The following KCNN3 variants were observed in gnomAD, a reference collection of about 807,000 sequenced individuals.
KCNN3 encodes potassium calcium-activated channel subfamily N member 3, also known as small conductance calcium-activated potassium channel protein 3.
KCNN3 carries 16 observed loss-of-function variants against 62.9 expected under a neutral mutation model. The ratio of observed to expected loss-of-function variants is 0.25; its 90% CI spans 0.17 to 0.39. The LOEUF (loss-of-function observed/expected upper bound fraction) is 0.39. Among genes scored for constraint, KCNN3 ranks in the 10% least tolerant of loss-of-function variants. The pLI, the probability that KCNN3 is intolerant of heterozygous loss-of-function variation, is 1.00. For synonymous variants in KCNN3, 370 were observed against 389.2 expected, an observed-to-expected ratio of 0.95 and a Z score of 0.58; for missense variants, 599 against 949.4, an observed-to-expected ratio of 0.63 and a Z score of 4.85.
In KCNN3 at chr1:154,866,922, G is replaced by A. The variant is rs955630263; in HGVS notation, c.933+2110C>T. Among the ~76,000 whole-genome samples the A allele has an allele frequency of 3.3e-5, 5 of 152,334 alleles. No individual in the cohort carries two copies. The East Asian group carries it at 9.7e-4, about 29-fold the overall frequency. ...GCACCTGCCCCAGGCAGGGAAGAGG[G>A]CCTGATCCTGCAGAGTGGTGACTCT... On this transcript the variant is annotated intron_variant, in intron 1 of 7. Coordinates refer to ENST00000271915, the MANE Select transcript of KCNN3 (RefSeq NM_002249.6).
chr1:154,715,073 T>C, intron 5 of KCNN3, 70 bp from the exon 6 acceptor site: 1 of 1,564,430 alleles, frequency 6.4e-7, no homozygotes, highest in Non-Finnish European at 8.8e-7. Context: ...TGGTTGCTAC[T>C]GTAGTCTACC....
rs984449596 is a variant in KCNN3 at position 154,697,948 on chromosome 1, A to G, written c.*10028T>C. 11 of 152,208 alleles carry G rather than the reference A, an allele frequency of 7.2e-5. No individual in the cohort carries two copies. Among genetic ancestry groups the G allele is most frequent in the African/African-American group, 2.2e-4 (9 of 41,444 alleles). The allele number at this position is 152,208 out of a possible 1,614,324, so 9.4% of individuals were successfully genotyped here. On this transcript the variant is annotated 3_prime_UTR_variant, in exon 8 of 8. Coordinates refer to ENST00000271915, the MANE Select transcript of KCNN3 (RefSeq NM_002249.6). Reference sequence around the variant, plus strand: ...TCATCCACCTTACAGGGTGATGACTAATATATTGGCATTTGAGATCCTTAG... The same window carrying G: ...TCATCCACCTTACAGGGTGATGACTGATATATTGGCATTTGAGATCCTTAG...
At chr1:154,770,907 AT>A in intron 3 of KCNN3, among the ~76,000 whole-genome samples, 1 of 152,218 alleles carries the variant, frequency 6.6e-6, no homozygotes, top group South Asian at 2.1e-4. Context: ...AAACACAAAA[AT>A]TAGCCTGGTA....
At chr1:154,793,351 C>T (rs1649596383) in intron 2 of KCNN3, among the ~76,000 whole-genome samples, 2 of 152,112 alleles carry the variant, frequency 1.3e-5, no homozygotes, top group Admixed American at 6.5e-5. Context: ...GAGGCTGACC[C>T]TGAAAAGTTT....
intron 3 of KCNN3, among the ~76,000 whole-genome samples, chr1:154,757,853 C>T (rs1035942012): frequency 6.6e-6 from 1 of 152,154 alleles, no homozygotes; most frequent in African/African-American, 2.4e-5. Context: ...CTCAAGGGAC[C>T]TTCAGTAGAA....
chr1:154,832,085 TAA>T (rs1394903997), intron 1 of KCNN3, among the ~76,000 whole-genome samples: 1 of 151,994 alleles, frequency 6.6e-6, no homozygotes, highest in Non-Finnish European at 1.5e-5. Flanking sequence ...AACGGAAATA[TAA>T]CAACCGGTCC....
chr1:154,851,915 A>G (rs1652313501), intron 1 of KCNN3, among the ~76,000 whole-genome samples: 1 of 152,190 alleles, frequency 6.6e-6, no homozygotes, highest in Admixed American at 6.5e-5. Flanking sequence ...CACACTCCTC[A>G]GGACGGTCTA....
At chr1:154,819,977 G>A (rs1466538838) in intron 2 of KCNN3, among the ~76,000 whole-genome samples, 1 of 152,328 alleles carries the variant, frequency 6.6e-6, no homozygotes, top group East Asian at 1.9e-4. Flanking sequence ...ACTTCAGATG[G>A]GGAAACTGAG....
chr1:154,850,119 G>A (rs987479770), intron 1 of KCNN3, among the ~76,000 whole-genome samples: 3 of 152,058 alleles, frequency 2.0e-5, no homozygotes, highest in African/African-American at 7.2e-5. Flanking sequence ...TGTTCCCTCT[G>A]CACCATCTCC....
rs144145029 is a variant in KCNN3, at chr1:154,731,768, C to T, written c.1590+1235G>A. The stretch of plus-strand genomic sequence containing the variant: ...CGGGGGGCTGTCCTTGGGAGGGTTG[C>T]GGTCTCCAGCCATGGAGACCCAGAG... On this transcript the variant is annotated intron_variant, in intron 4 of 7. Transcript: ENST00000271915. Among the ~76,000 whole-genome samples the T allele has an allele frequency of 1.0e-3, 154 of 152,288 alleles. 3 individuals carry two copies. In the East Asian group the frequency reaches 0.027, roughly 26 times the overall value.
At chr1:154,808,543 A>G (rs990679810) in intron 2 of KCNN3, among the ~76,000 whole-genome samples, 1 of 152,062 alleles carries the variant, frequency 6.6e-6, no homozygotes, top group Non-Finnish European at 1.5e-5. Context: ...TTATCTCTCC[A>G]TTAGATCACA....
chr1:154,797,551 T>A (rs902998250), intron 2 of KCNN3, among the ~76,000 whole-genome samples: 1 of 152,242 alleles, frequency 6.6e-6, no homozygotes, highest in Admixed American at 6.5e-5. Context: ...TTTGTCTGCA[T>A]CTGAATTTAC....
intron 2 of KCNN3, among the ~76,000 whole-genome samples, chr1:154,786,738 C>A (rs1321107391): frequency 6.6e-6 from 1 of 152,172 alleles, no homozygotes; most frequent in Non-Finnish European, 1.5e-5. Context: ...AGATGGGAAT[C>A]AGGGAACCTA....
At chr1:154,833,308 C>T (rs1651447331) in intron 1 of KCNN3, among the ~76,000 whole-genome samples, 1 of 152,200 alleles carries the variant, frequency 6.6e-6, no homozygotes, top group African/African-American at 2.4e-5. Flanking sequence ...CCAGAAATCA[C>T]ATATGGTGAG....
chr1:154,789,427 G>A (rs1649417388), intron 2 of KCNN3, among the ~76,000 whole-genome samples: 1 of 151,088 alleles, frequency 6.6e-6, no homozygotes. Context: ...GGTCGGTGGG[G>A]CAGGGGGGGG....
chr1:154,706,052 T>A lies in KCNN3; in HGVS notation c.*1924A>T, dbSNP rs1262801498. On this transcript the variant is annotated 3_prime_UTR_variant, in exon 8 of 8. Coordinates refer to ENST00000271915, the MANE Select transcript of KCNN3 (RefSeq NM_002249.6). ...AAATAAGCCAACAGCAGGTGCGGCA[T>A]CTCTGGTATGCAAAACAACTAATGA... 1 of 152,220 alleles carries A rather than the reference T, an allele frequency of 6.6e-6. No homozygotes were observed. Among genetic ancestry groups the A allele is most frequent in the Non-Finnish European group, 1.5e-5 (1 of 68,050 alleles). 9.4% of individuals were successfully genotyped at this position (152,220 alleles called of 1,614,324 possible).
intron 3 of KCNN3, among the ~76,000 whole-genome samples, chr1:154,738,257 A>G (rs1700754169): frequency 6.6e-6 from 1 of 152,186 alleles, no homozygotes; most frequent in Non-Finnish European, 1.5e-5. Flanking sequence ...CCAAATACAA[A>G]GAACCAGAAA....
At chr1:154,786,524 T>C (rs1291435859) in intron 2 of KCNN3, among the ~76,000 whole-genome samples, 1 of 152,236 alleles carries the variant, frequency 6.6e-6, no homozygotes, top group Non-Finnish European at 1.5e-5. Flanking sequence ...GATATATTGC[T>C]AAGTAAAAAG....
chr1:154,788,007 A>T (rs1243897744), intron 2 of KCNN3, among the ~76,000 whole-genome samples: 1 of 152,200 alleles, frequency 6.6e-6, no homozygotes, highest in Non-Finnish European at 1.5e-5. Context: ...AGATTGGGTC[A>T]GGAGGGAGGC....
Sources: gnomAD v4.1 joint callset for allele counts (sites outside exome capture counted in the v4.1 genomes callset) on GRCh38, gnomAD v4.1.1 for gene constraint, MANE v1.5 for transcripts, NCBI Gene and HGNC (gene_info 2026-07-23, HGNC 2026-07-21) for gene names.